CTNNA3: variants seen among roughly 807,000 people sequenced by gnomAD.
The protein encoded by CTNNA3 is catenin alpha 3.
In CTNNA3, 76 loss-of-function variants were observed where a neutral mutation model predicts 95.7. The ratio of observed to expected loss-of-function variants is 0.79; its 90% CI spans 0.66 to 0.96. The LOEUF is 0.96. Among genes scored for constraint, CTNNA3 ranks in the 40% least tolerant of loss-of-function variants. CTNNA3 has a pLI of 0.00. For synonymous variants in CTNNA3, 431 were observed against 374.4 expected (o/e 1.15, Z -1.74); for missense variants, 1,191 against 1,089.8 (o/e 1.09, Z -1.31).
At chr10:67,156,177 T>C (rs960431116) in intron 7 of CTNNA3, among the ~76,000 whole-genome samples, 2 of 152,030 alleles carry the variant, frequency 1.3e-5, no homozygotes, top group African/African-American at 2.4e-5. Flanking sequence ...GAGTCTTTTT[T>C]TCTCTTACTT....
At chr10:67,135,858 C>T (rs1860279150) in intron 7 of CTNNA3, among the ~76,000 whole-genome samples, 1 of 152,080 alleles carries the variant, frequency 6.6e-6, no homozygotes, top group African/African-American at 2.4e-5. Context: ...TTTCTTTTGA[C>T]CCAATTATAT....
rs115926567 is a variant in CTNNA3 at position 66,224,539 on chromosome 10, A to T, written c.1884+55931T>A. Among the ~76,000 whole-genome samples, 535 of 152,230 alleles carry T rather than the reference A, an allele frequency of 3.5e-3. 2 individuals are homozygous for T. The highest frequency in any genetic ancestry group is 0.012 in the African/African-American group (506 of 41,548). ...TTTAAGGTAGAAATTTTCTCTTACAATTTTTCCTCCTACAAGAAGGGCGTA... is the reference window on the plus strand; with the variant it reads ...TTTAAGGTAGAAATTTTCTCTTACATTTTTTCCTCCTACAAGAAGGGCGTA... On this transcript the variant is annotated intron_variant, in intron 13 of 17. Transcript: ENST00000433211.
At chr10:66,411,000 C>T (rs1028362194) in intron 11 of CTNNA3, among the ~76,000 whole-genome samples, 3 of 152,124 alleles carry the variant, frequency 2.0e-5, no homozygotes, top group Non-Finnish European at 4.4e-5. Flanking sequence ...ATGTAACTGG[C>T]AAAGCTGTGA....
intron 5 of CTNNA3, among the ~76,000 whole-genome samples, chr10:67,282,118 A>G (rs1826874457): frequency 6.6e-6 from 1 of 152,180 alleles, no homozygotes; most frequent in South Asian, 2.1e-4. Context: ...ACAGAAAATA[A>G]GACTATCATA....
intron 17 of CTNNA3, among the ~76,000 whole-genome samples, chr10:65,924,979 T>G (rs2077144759): frequency 6.6e-6 from 1 of 152,136 alleles, no homozygotes; most frequent in Non-Finnish European, 1.5e-5. Context: ...TGCCCCATGA[T>G]TCAATTACCT....
intron 13 of CTNNA3, among the ~76,000 whole-genome samples, chr10:66,249,884 A>T (rs903025755): frequency 5.3e-5 from 8 of 152,166 alleles, no homozygotes; most frequent in African/African-American, 1.9e-4. Flanking sequence ...CAATCCAGCA[A>T]TCCCACTGCA....
chr10:66,360,604 TTTC>T (rs1353001874), intron 12 of CTNNA3, among the ~76,000 whole-genome samples: 2 of 21,174 alleles, frequency 9.4e-5, no homozygotes, highest in East Asian at 2.2e-3. Context: ...TCCTTCTTTC[TTTC>T]TTTCTTTCTT....
At chr10:67,097,443 G>A (rs1858069995) in intron 7 of CTNNA3, 2 of 650,428 alleles carry the variant, frequency 3.1e-6, no homozygotes, top group Admixed American at 2.6e-5. Flanking sequence ...GGGGGCATTA[G>A]CGGGATAATA....
chr10:67,140,370 T>C (rs1338266348), intron 7 of CTNNA3, among the ~76,000 whole-genome samples: 1 of 152,122 alleles, frequency 6.6e-6, no homozygotes, highest in East Asian at 1.9e-4. Flanking sequence ...TGTATTAGAA[T>C]AGCAAAATGG....
chr10:66,021,594 C>T (rs1327119062), intron 15 of CTNNA3, among the ~76,000 whole-genome samples: 1 of 152,048 alleles, frequency 6.6e-6, no homozygotes, highest in Admixed American at 6.6e-5. Flanking sequence ...GCTAATTGGG[C>T]TCTACTCTAA....
chr10:66,922,790 A>G (rs1421990174), intron 7 of CTNNA3, among the ~76,000 whole-genome samples: 1 of 152,040 alleles, frequency 6.6e-6, no homozygotes, highest in African/African-American at 2.4e-5. Flanking sequence ...TTCCTGTCAT[A>G]TAGTTTTGTT....
intron 7 of CTNNA3, among the ~76,000 whole-genome samples, chr10:66,799,868 GA>G (rs1841362080): frequency 6.6e-6 from 1 of 150,688 alleles, no homozygotes; most frequent in African/African-American, 2.4e-5. Context: ...AGCAGCCAGA[GA>G]AAAAGACAAT....
At chr10:66,395,170 A>G (rs558979532) in intron 11 of CTNNA3, among the ~76,000 whole-genome samples, 2 of 152,184 alleles carry the variant, frequency 1.3e-5, no homozygotes, top group Non-Finnish European at 2.9e-5. Context: ...TTCCTAGTCA[A>G]TGAATTAATT....
chr10:66,895,914 CAAAAAAAAAAAAA>C, intron 7 of CTNNA3, among the ~76,000 whole-genome samples: 1 of 80,194 alleles, frequency 1.2e-5, no homozygotes, highest in Admixed American at 1.3e-4. Flanking sequence ...CCTGTCTCTA[CAAAAAAAAAAAAA>C]AAAAAAAAGA....
At chr10:66,479,978 A>ACACACACACACACACACACG (rs1427904243) in intron 11 of CTNNA3, among the ~76,000 whole-genome samples, 1 of 151,332 alleles carries the variant, frequency 6.6e-6, no homozygotes, top group Non-Finnish European at 1.5e-5. Context: ...ACACACACAC[A>ACACACACACACACACACACG]CCCCAGAACT....
intron 9 of CTNNA3, among the ~76,000 whole-genome samples, chr10:66,653,081 G>A (rs1050038238): frequency 2.6e-5 from 4 of 151,960 alleles, no homozygotes; most frequent in African/African-American, 7.2e-5. Flanking sequence ...CGTTCTTTTC[G>A]GTTCTGTCTA....
At chr10:67,239,025 A>G (rs1352935126) in intron 5 of CTNNA3, among the ~76,000 whole-genome samples, 1 of 152,202 alleles carries the variant, frequency 6.6e-6, no homozygotes, top group African/African-American at 2.4e-5. Flanking sequence ...TGGGGAAAAT[A>G]TACCTTAATC....
intron 5 of CTNNA3, among the ~76,000 whole-genome samples, chr10:67,429,664 T>G (rs959518981): frequency 2.6e-5 from 4 of 151,992 alleles, no homozygotes; most frequent in Admixed American, 2.6e-4. Flanking sequence ...TCCAAATCCC[T>G]TATTTTTGCC....
chr10:67,142,712 T>C (rs1040777474), intron 7 of CTNNA3, among the ~76,000 whole-genome samples: 1 of 152,094 alleles, frequency 6.6e-6, no homozygotes, highest in African/African-American at 2.4e-5. Context: ...GGCGAGTGGA[T>C]CACAAGGTCA....
Sources: allele counts gnomAD v4.1 joint callset (sites outside exome capture counted in the v4.1 genomes callset), GRCh38; gene constraint gnomAD v4.1.1; transcripts MANE v1.5; gene names NCBI Gene and HGNC (gene_info 2026-07-23, HGNC 2026-07-21).